MACF1: variants seen among roughly 807,000 people sequenced by gnomAD.
MACF1 encodes microtubule-actin cross-linking factor 1.
MACF1 carries 193 observed loss-of-function variants against 854.8 expected under a neutral mutation model. The observed-to-expected ratio is 0.23, with a 90% CI of 0.20 to 0.25. The LOEUF is 0.25. Among genes scored for constraint, MACF1 ranks in the 10% least tolerant of loss-of-function variants. The pLI is 1.00. For synonymous variants in MACF1, 3,185 were observed against 3,226.7 expected (o/e 0.99, Z 0.44); for missense variants, 7,722 against 8,929.1 (o/e 0.86, Z 5.45).
At chr1:39,420,757 C>G (rs1643503131) in intron 58 of MACF1, among the ~76,000 whole-genome samples, 1 of 152,066 alleles carries the variant, frequency 6.6e-6, no homozygotes, top group African/African-American at 2.4e-5. Context: ...CTGTCATCCT[C>G]TGGCCTTAAT....
intron 58 of MACF1, chr1:39,412,795 A>T (rs376849966): frequency 1.9e-6 from 3 of 1,612,740 alleles, no homozygotes; most frequent in Non-Finnish European, 1.7e-6. Context: ...ACCCACTGTC[A>T]AAGATGCCCT....
At chr1:39,088,589 T>C (rs1375873725) in intron 2 of MACF1, among the ~76,000 whole-genome samples, 1 of 152,308 alleles carries the variant, frequency 6.6e-6, no homozygotes, top group East Asian at 1.9e-4. Flanking sequence ...CCTCTGGCTC[T>C]CTGTCTTTAG....
In MACF1 at chr1:39,288,062, AT is replaced by A. The variant is rs888786743; in HGVS notation, c.1785+503del. 2.6e-5 allele frequency among the ~76,000 whole-genome samples: 4 copies of A among 152,110 alleles called. 1 individual carries two copies. The South Asian group carries it at 8.3e-4, about 32-fold the overall frequency. ...TTGTGGGTACATAGAAGGTACATATATTTATACGATACATGAGATATTTTGA... is the reference window on the plus strand; with the variant it reads ...TTGTGGGTACATAGAAGGTACATATATTATACGATACATGAGATATTTTGA... On this transcript the variant is annotated intron_variant, in intron 15 of 100. Transcript: ENST00000564288.
chr1:39,155,678 T>G (rs1038605851), intron 2 of MACF1, among the ~76,000 whole-genome samples: 30 of 152,338 alleles, frequency 2.0e-4, no homozygotes, highest in African/African-American at 6.3e-4. Flanking sequence ...TTTCATCAGA[T>G]TCTCACTGGA....
chr1:39,300,731 A>G (rs9439001), intron 22 of MACF1, among the ~76,000 whole-genome samples: 9,191 of 152,176 alleles, frequency 0.06, 360 homozygotes, highest in African/African-American at 0.11. Context: ...TACTTTTTCT[A>G]TCCCTGCTAA....
chr1:39,178,017 GGGCTGTCAGGGAAATCTTTA>G (rs1436293029), intron 2 of MACF1, among the ~76,000 whole-genome samples: 11 of 151,618 alleles, frequency 7.3e-5, no homozygotes, highest in African/African-American at 1.5e-4. Context: ...CGCAGAATCT[GGGCTGTCAGGGAAATCTTTA>G]GGCTGTCAGG....
Position 39,284,029 on chromosome 1 carries a change from G to A in MACF1, c.916-37G>A, listed in dbSNP as rs201284019. Reference sequence around the variant, plus strand: ...TTCTCTTGTGCTTGTTTTGGATATTGCTAATCAGGTGTGTGATGTTTACCT... The same window carrying A: ...TTCTCTTGTGCTTGTTTTGGATATTACTAATCAGGTGTGTGATGTTTACCT... On this transcript the variant is annotated intron_variant, in intron 9 of 100. Coordinates refer to ENST00000564288, the MANE Select transcript of MACF1 (RefSeq NM_001394062.1). The A allele has an allele frequency of 9.8e-5, 158 of 1,606,240 alleles. 3 individuals are homozygous for A. In the South Asian group the frequency reaches 1.4e-3, roughly 15 times the overall value.
rs1315165774 is a variant in MACF1, at chr1:39,359,223, G to A, written c.12203G>A (p.Gly4068Glu). ...KVARDIMEIEGEPAPDHRHVQ... is the reference protein window; with the variant it reads ...KVARDIMEIEEEPAPDHRHVQ... Reference sequence around the variant, plus strand: ...GCTCGTGACATAATGGAAATTGAAGGGGAGCCAGCCCCAGACCACAGGCAT... The same window carrying A: ...GCTCGTGACATAATGGAAATTGAAGAGGAGCCAGCCCCAGACCACAGGCAT... The change falls in exon 47 of 101, where the codon GGG becomes GAG. Residue 4068 changes from glycine (G) to glutamate (E), a missense_variant. By Grantham distance (98) the Gly-to-Glu change is moderately conservative. Around this residue, in one of 15 missense-constraint regions of MACF1, gnomAD observed 2,807 missense variants for 3,235.8 expected, o/e 0.87. Coordinates refer to ENST00000564288, the MANE Select transcript of MACF1 (RefSeq NM_001394062.1). 1.9e-6 allele frequency: 3 copies of A among 1,614,128 alleles called. No individual in the cohort carries two copies. Among genetic ancestry groups the A allele is most frequent in the Non-Finnish European group, 1.7e-6 (2 of 1,180,026 alleles).
intron 84 of MACF1, 100 bp from the exon 85 acceptor site, chr1:39,450,952 T>C: frequency 1.5e-6 from 2 of 1,335,296 alleles, no homozygotes; most frequent in Non-Finnish European, 2.1e-6. Context: ...AGTCACTCTC[T>C]ATATAGGGTT....
At chr1:39,309,727 A>G (rs751068351) in intron 24 of MACF1, 31 bp downstream of exon 24, 11 of 1,595,012 alleles carry the variant, frequency 6.9e-6, no homozygotes, top group Non-Finnish European at 9.4e-6. Context: ...CCAGGCTTAC[A>G]TTCCATTGGC....
chr1:39,202,111 C>A (rs181576525), upstream of MACF1, among the ~76,000 whole-genome samples: 7 of 150,418 alleles, frequency 4.7e-5, no homozygotes, highest in Admixed American at 1.3e-4. Flanking sequence ...GGATTACAGG[C>A]GACCATCACC....
In MACF1 at chr1:39,117,275, T is replaced by C. The variant is rs1043063448; in HGVS notation, c.220+32837T>C. On this transcript the variant is annotated intron_variant, in intron 2 of 93. Coordinates refer to the MACF1 transcript ENST00000361689. ...TTCCAGTGTAGAGGATATTTCCTAA[T>C]GTGTTAGGGCCAGCTCAGAATTGAT... Among the ~76,000 whole-genome samples the C allele has an allele frequency of 3.3e-5, 5 of 152,270 alleles. No individual in the cohort carries two copies. In the East Asian group the frequency reaches 9.6e-4, roughly 29 times the overall value.
rs1298727059 is a variant in MACF1, at chr1:39,469,481, T to G, written c.21890-66T>G. 43 of 1,250,554 alleles carry G rather than the reference T, an allele frequency of 3.4e-5. No individual in the cohort carries two copies. In the Middle Eastern group the frequency reaches 9.3e-4, roughly 27 times the overall value. 77.5% of individuals were successfully genotyped at this position (1,250,554 alleles called of 1,614,324 possible). On this transcript the variant is annotated intron_variant, in intron 96 of 100. Transcript: ENST00000564288. ...TCCCCCACTGTCTGCCAATTTGTCT[T>G]TCTTGACTAGTTTCTGCGTTTCCTG...
rs776982522 is a variant in MACF1, at chr1:39,388,183, T to C, written c.15341T>C (p.Met5114Thr). 5 of 1,614,112 alleles carry C rather than the reference T, an allele frequency of 3.1e-6. No homozygotes were observed. Among genetic ancestry groups the C allele is most frequent in the African/African-American group, 1.3e-5 (1 of 75,014 alleles). Residue 5114 changes from methionine (M) to threonine (T), a missense_variant, in exon 58 of 101, where the codon ATG (methionine) becomes ACG (threonine). This residue lies in a region of MACF1 where 2,807 missense variants were observed against 3,235.8 expected (regional missense o/e 0.87). Coordinates refer to ENST00000564288, the MANE Select transcript of MACF1 (RefSeq NM_001394062.1). Reference protein sequence around the residue: ...KQRVNSGCVMMENKLEGIGQF... With the variant: ...KQRVNSGCVMTENKLEGIGQF... Reference sequence around the variant, plus strand: ...AGAGTGAACAGTGGTTGTGTGATGATGGAAAACAAGCTGGAGGGGATTGGC... The same window carrying C: ...AGAGTGAACAGTGGTTGTGTGATGACGGAAAACAAGCTGGAGGGGATTGGC...
intron 58 of MACF1, chr1:39,414,419 G>A: frequency 6.2e-7 from 1 of 1,614,010 alleles, no homozygotes; most frequent in Non-Finnish European, 8.5e-7. Flanking sequence ...GAGGTGACCA[G>A]CACAGTGCTA....
At chr1:39,326,451 C>T (rs547444389) in intron 35 of MACF1, among the ~76,000 whole-genome samples, 1 of 152,216 alleles carries the variant, frequency 6.6e-6, no homozygotes, top group East Asian at 1.9e-4. Context: ...GAGGCTGAGG[C>T]GGGCAAATCA....
At chr1:39,246,992 C>G (rs140330200) in intron 2 of MACF1, among the ~76,000 whole-genome samples, 2 of 150,306 alleles carry the variant, frequency 1.3e-5, no homozygotes, top group African/African-American at 2.5e-5. Flanking sequence ...ACCTCTGTCT[C>G]TGAGGTTCAA....
At chr1:39,154,599 C>T (rs766627684) in intron 2 of MACF1, among the ~76,000 whole-genome samples, 12 of 152,096 alleles carry the variant, frequency 7.9e-5, no homozygotes, top group Non-Finnish European at 1.2e-4. Flanking sequence ...ATGATTCGTT[C>T]TCGCCTCATT....
chr1:39,247,582 T>C (rs1644996343), intron 2 of MACF1, among the ~76,000 whole-genome samples: 1 of 152,176 alleles, frequency 6.6e-6, no homozygotes, highest in Non-Finnish European at 1.5e-5. Flanking sequence ...CAACATTGCA[T>C]TTAGTGATAT....
Sources: allele counts gnomAD v4.1 joint callset (sites outside exome capture counted in the v4.1 genomes callset), GRCh38; gene constraint gnomAD v4.1.1; regional missense constraint gnomAD v4.1.1; transcripts MANE v1.5; gene names NCBI Gene and HGNC (gene_info 2026-07-23, HGNC 2026-07-21).